Variants in SOX6 observed in about 807,000 individuals in gnomAD.
The protein encoded by SOX6 is SRY-box transcription factor 6, also known as transcription factor SOX-6.
Under a neutral mutation model 97.8 loss-of-function variants are expected in SOX6, and 11 were observed. The observed-to-expected ratio is 0.11, with a 90% confidence interval of 0.07 to 0.19. The LOEUF (loss-of-function observed/expected upper bound fraction) is 0.19, where lower values mean the gene tolerates loss of function less well. SOX6 is among the 10% of genes least tolerant of loss of function. The probability of loss-of-function intolerance (pLI) is 1.00; values close to 1 mark genes in which losing one functional copy is unlikely to be tolerated. For missense variants in SOX6, 810 were observed against 1,039.5 expected (o/e 0.78, Z 3.04); for synonymous variants, 360 against 371.4 (o/e 0.97, Z 0.35).
rs1013414352 is a variant in SOX6, at chr11:15,972,502, A to G, written c.*307T>C. On this transcript the variant is annotated 3_prime_UTR_variant, in exon 16 of 16. Coordinates refer to ENST00000683767, the MANE Select transcript of SOX6 (RefSeq NM_001367873.1). Reference sequence around the variant, plus strand: ...TCAACATCCAAAAGAAAAAAAAAGTAAGACAAAAATATAAGACTTGTAAGA... The same window carrying G: ...TCAACATCCAAAAGAAAAAAAAAGTGAGACAAAAATATAAGACTTGTAAGA... 16 of 376,806 alleles carry G rather than the reference A, an allele frequency of 4.2e-5. No individual in the cohort carries two copies. Among genetic ancestry groups the G allele is most frequent in the South Asian group, 9.6e-5 (3 of 31,336 alleles). 23.3% of individuals were successfully genotyped at this position (376,806 alleles called of 1,614,324 possible). A position where few individuals can be genotyped will look rare whatever the true frequency, so the allele number is the denominator to read the frequency against.
At chr11:16,018,577 G>T (rs1439420057) in intron 12 of SOX6, among the ~76,000 whole-genome samples, 1 of 152,020 alleles carries the variant, frequency 6.6e-6, no homozygotes, top group African/African-American at 2.4e-5. Context: ...CTGAATTTTT[G>T]ATGTGCACAG....
At chr11:16,262,066 G>A (rs1853916424) in intron 3 of SOX6, among the ~76,000 whole-genome samples, 1 of 152,000 alleles carries the variant, frequency 6.6e-6, no homozygotes, top group African/African-American at 2.4e-5. Flanking sequence ...TAAACAGCTT[G>A]ATGATGAACT....
At chr11:16,624,440 T>G (rs1398352050) in intron 3 of SOX6, among the ~76,000 whole-genome samples, 2 of 152,126 alleles carry the variant, frequency 1.3e-5, no homozygotes, top group African/African-American at 4.8e-5. Context: ...CCTCCCAAAG[T>G]GCTGGGATTA....
At chr11:16,157,769 A>T (rs75924224) in intron 6 of SOX6, among the ~76,000 whole-genome samples, 4,814 of 152,070 alleles carry the variant, frequency 0.032, 116 homozygotes, top group Non-Finnish European at 0.051. Context: ...ATTTATTTGT[A>T]GTTCCCTAAC....
chr11:16,362,973 G>A lies in SOX6; in HGVS notation c.-4-21721C>T, dbSNP rs539635065. ...CTATGCCGTTAACTTATAAACACACGGTTCCAGATATGGTCTCACTGTTCT... is the reference window on the plus strand; with the variant it reads ...CTATGCCGTTAACTTATAAACACACAGTTCCAGATATGGTCTCACTGTTCT... On this transcript the variant is annotated intron_variant, in intron 1 of 15. Coordinates refer to the SOX6 transcript ENST00000396356. Among the ~76,000 whole-genome samples, 53 of 152,138 alleles carry A rather than the reference G, an allele frequency of 3.5e-4. No homozygotes were observed. The Middle Eastern group carries it at 0.014, about 39-fold the overall frequency.
intron 1 of SOX6, among the ~76,000 whole-genome samples, chr11:16,372,761 T>C (rs1857525248): frequency 6.6e-6 from 1 of 152,086 alleles, no homozygotes; most frequent in Non-Finnish European, 1.5e-5. Flanking sequence ...AGAGAGCCAG[T>C]AGAGATTAGT....
chr11:16,424,155 T>A (rs1456237998), intron 1 of SOX6, among the ~76,000 whole-genome samples: 1 of 152,038 alleles, frequency 6.6e-6, no homozygotes, highest in South Asian at 2.1e-4. Flanking sequence ...GAGATACAGA[T>A]AGAAAATAAA....
chr11:16,212,626 A>G (rs1852261652), intron 4 of SOX6, among the ~76,000 whole-genome samples: 1 of 152,182 alleles, frequency 6.6e-6, no homozygotes, highest in Non-Finnish European at 1.5e-5. Flanking sequence ...TTGTTAATGC[A>G]TAGAGTATGT....
chr11:16,495,465 C>T (rs1462978899), intron 4 of SOX6, among the ~76,000 whole-genome samples: 1 of 152,138 alleles, frequency 6.6e-6, no homozygotes, highest in Admixed American at 6.5e-5. Flanking sequence ...GATTGCTCTG[C>T]CCTATCCACC....
chr11:16,190,711 GCCCT>G (rs1851607398), intron 4 of SOX6, among the ~76,000 whole-genome samples: 1 of 152,108 alleles, frequency 6.6e-6, no homozygotes, highest in African/African-American at 2.4e-5. Flanking sequence ...TAGCCAAGTA[GCCCT>G]TGGGGCTCAA....
intron 3 of SOX6, among the ~76,000 whole-genome samples, chr11:16,692,336 C>T (rs1848022424): frequency 6.6e-6 from 1 of 152,076 alleles, no homozygotes; most frequent in African/African-American, 2.4e-5. Context: ...AGGTGTGAAC[C>T]ACCGCACCTG....
At chr11:16,279,217 A>G (rs1688703007) in intron 3 of SOX6, among the ~76,000 whole-genome samples, 2 of 152,128 alleles carry the variant, frequency 1.3e-5, no homozygotes, top group Admixed American at 6.6e-5. Context: ...GGGAATGAAA[A>G]GAAAACAAGT....
intron 3 of SOX6, chr11:16,283,959 T>A (rs1424763972): frequency 2.5e-6 from 1 of 392,780 alleles, no homozygotes; most frequent in East Asian, 8.5e-5. Flanking sequence ...AGTATAATTA[T>A]GCACAGTTTC....
chr11:16,274,678 C>T (rs1854345781), intron 3 of SOX6, among the ~76,000 whole-genome samples: 1 of 152,084 alleles, frequency 6.6e-6, no homozygotes, highest in Admixed American at 6.5e-5. Context: ...GGATTAAAGG[C>T]GCTGTATTCA....
Position 16,130,730 on chromosome 11 carries a change from A to T in SOX6, c.778-18807T>A, listed in dbSNP as rs867818208. 3.3e-5 allele frequency among the ~76,000 whole-genome samples: 5 copies of T among 152,128 alleles called. No individual in the cohort carries two copies. The South Asian group carries it at 1.0e-3, about 32-fold the overall frequency. On this transcript the variant is annotated intron_variant, in intron 6 of 15. Coordinates refer to ENST00000683767, the MANE Select transcript of SOX6 (RefSeq NM_001367873.1). ...GTATAGTAAGATGTCAAAACTTACT[A>T]TAATGCCATTTAGGTATTAGGATGG...
intron 6 of SOX6, among the ~76,000 whole-genome samples, chr11:16,130,263 T>G (rs550839427): frequency 4.7e-4 from 71 of 152,040 alleles, no homozygotes; most frequent in African/African-American, 1.5e-3. Flanking sequence ...TGAAACATTA[T>G]AAGGATAATG....
chr11:16,132,505 A>AAAGCAAGCAAGCAAGCAAGCAAGCAAGC (rs57320186), intron 6 of SOX6, among the ~76,000 whole-genome samples: 7 of 86,214 alleles, frequency 8.1e-5, no homozygotes, highest in African/African-American at 2.9e-4. Context: ...AGAAAGAAAG[A>AAAGCAAGCAAGCAAGCAAGCAAGCAAGC]AAGCTTATCT....
At chr11:16,510,431 C>T (rs4756854) in intron 4 of SOX6, among the ~76,000 whole-genome samples, 147,131 of 152,078 alleles carry the variant, frequency 0.97, 71,372 homozygotes, top group East Asian at 1. Flanking sequence ...TCTTAAATTG[C>T]TTCAGTATCA....
At chr11:16,256,464 T>C (rs1302955541) in intron 3 of SOX6, among the ~76,000 whole-genome samples, 1 of 151,932 alleles carries the variant, frequency 6.6e-6, no homozygotes, top group Non-Finnish European at 1.5e-5. Context: ...CATATGATCA[T>C]ATTGATCCAG....
Sources: allele counts gnomAD v4.1 joint callset (sites outside exome capture counted in the v4.1 genomes callset), GRCh38; gene constraint gnomAD v4.1.1; transcripts MANE v1.5; gene names NCBI Gene and HGNC (gene_info 2026-07-23, HGNC 2026-07-21).